Variants in NELL2 observed in about 807,000 individuals in gnomAD.
NELL2 encodes protein kinase C-binding protein NELL2.
NELL2 carries 41 observed loss-of-function variants against 109.6 expected under a neutral mutation model. The observed-to-expected ratio is 0.37, with a 90% CI of 0.29 to 0.49. The LOEUF is 0.49. NELL2 is among the 20% of genes least tolerant of loss of function. The pLI is 0.98. For missense variants in NELL2, 900 were observed against 1,008.3 expected (o/e 0.89, Z 1.45); for synonymous variants, 355 against 344.7 (o/e 1.03, Z -0.33).
At chr12:44,619,176 G>A (rs909947935) in intron 13 of NELL2, among the ~76,000 whole-genome samples, 1 of 152,250 alleles carries the variant, frequency 6.6e-6, no homozygotes, top group African/African-American at 2.4e-5. Context: ...TAAAGACGGG[G>A]AAGAACACTG....
intron 19 of NELL2, among the ~76,000 whole-genome samples, chr12:44,512,529 C>T (rs1170142308): frequency 6.6e-6 from 1 of 151,826 alleles, no homozygotes; most frequent in Non-Finnish European, 1.5e-5. Context: ...ATCTGAACCC[C>T]CATGCAGTAT....
intron 15 of NELL2, among the ~76,000 whole-genome samples, chr12:44,603,449 T>C (rs1190439677): frequency 1.3e-5 from 2 of 152,176 alleles, no homozygotes; most frequent in Admixed American, 1.3e-4. Flanking sequence ...ATCAGACACA[T>C]ATTTGCTGAG....
chr12:44,711,530 C>A, intron 10 of NELL2, 136 bp from the exon 11 acceptor site: 1 of 616,108 alleles, frequency 1.6e-6, no homozygotes. Flanking sequence ...AGGTCATGGG[C>A]TCACTCCCAA....
chr12:44,753,577 C>T (rs570560613), intron 9 of NELL2, among the ~76,000 whole-genome samples: 56 of 152,182 alleles, frequency 3.7e-4, no homozygotes, highest in Admixed American at 3.3e-3. Context: ...AAATAATGGC[C>T]TAGGACTTGG....
chr12:44,721,305 T>C (rs1938758116), intron 9 of NELL2, among the ~76,000 whole-genome samples: 1 of 152,190 alleles, frequency 6.6e-6, no homozygotes, highest in African/African-American at 2.4e-5. Context: ...ATATAATCAA[T>C]TCATTTAGTC....
chr12:44,800,372 G>A (rs1425236458), intron 3 of NELL2, among the ~76,000 whole-genome samples: 1 of 152,090 alleles, frequency 6.6e-6, no homozygotes, highest in Admixed American at 6.6e-5. Context: ...TGTGAATTGA[G>A]ACGAGAGAGA....
intron 13 of NELL2, among the ~76,000 whole-genome samples, chr12:44,612,468 A>G (rs141904417): frequency 6.6e-6 from 1 of 151,874 alleles, no homozygotes; most frequent in Admixed American, 6.6e-5. Flanking sequence ...AAATTGTACA[A>G]AATTCCACCC....
intron 16 of NELL2, among the ~76,000 whole-genome samples, chr12:44,528,374 C>T (rs1363723188): frequency 6.6e-6 from 1 of 151,928 alleles, no homozygotes; most frequent in Admixed American, 6.6e-5. Flanking sequence ...TTTAATTATC[C>T]TTGTTACTTT....
At chr12:44,630,773 TA>T (rs1946425852) in intron 13 of NELL2, among the ~76,000 whole-genome samples, 1 of 152,090 alleles carries the variant, frequency 6.6e-6, no homozygotes, top group African/African-American at 2.4e-5. Context: ...GAGCTAATTT[TA>T]AAAAAGGATA....
chr12:44,834,458 C>G (rs1256561451), intron 2 of NELL2, among the ~76,000 whole-genome samples: 1 of 108,662 alleles, frequency 9.2e-6, no homozygotes, highest in African/African-American at 3.5e-5. Flanking sequence ...TTTTTTGTCT[C>G]TTTAAAAGGT....
chr12:44,721,207 G>C (rs1371192872), intron 9 of NELL2, among the ~76,000 whole-genome samples: 1 of 152,180 alleles, frequency 6.6e-6, no homozygotes, highest in Non-Finnish European at 1.5e-5. Context: ...AAAATATTCT[G>C]AAATTCTTTT....
intron 9 of NELL2, among the ~76,000 whole-genome samples, chr12:44,765,516 A>G (rs1186353599): frequency 6.6e-6 from 1 of 152,176 alleles, no homozygotes; most frequent in Non-Finnish European, 1.5e-5. Flanking sequence ...CTGAGGTGAA[A>G]CGGGTGTGAA....
chr12:44,707,416 G>A, intron 11 of NELL2, among the ~76,000 whole-genome samples: 1 of 152,244 alleles, frequency 6.6e-6, no homozygotes, highest in East Asian at 1.9e-4. Context: ...TATCTCACAG[G>A]AGATAAACTG....
chr12:44,790,875 A>G (rs1437484152), intron 3 of NELL2, among the ~76,000 whole-genome samples: 1 of 151,354 alleles, frequency 6.6e-6, no homozygotes, highest in Non-Finnish European at 1.5e-5. Context: ...TTCTTCTATC[A>G]GAAAAAACAA....
At chr12:44,728,681 T>C (rs1939207038) in intron 9 of NELL2, among the ~76,000 whole-genome samples, 1 of 152,018 alleles carries the variant, frequency 6.6e-6, no homozygotes, top group Non-Finnish European at 1.5e-5. Flanking sequence ...AAAGACACAT[T>C]ATAATCAAAT....
chr12:44,872,423 C>T (rs180829077), intron 2 of NELL2, among the ~76,000 whole-genome samples: 32 of 152,094 alleles, frequency 2.1e-4, no homozygotes, highest in African/African-American at 6.3e-4. Context: ...ACTATAGTTG[C>T]TATTATTATT....
intron 13 of NELL2, among the ~76,000 whole-genome samples, chr12:44,615,045 T>A (rs899298752): frequency 3.9e-5 from 6 of 152,052 alleles, no homozygotes; most frequent in Non-Finnish European, 4.4e-5. Context: ...TTCAAAAAGC[T>A]TACAGTTTAG....
chr12:44,717,945 C>G (rs1015164895), intron 9 of NELL2, among the ~76,000 whole-genome samples: 1 of 152,020 alleles, frequency 6.6e-6, no homozygotes, highest in Non-Finnish European at 1.5e-5. Context: ...GTGTTGGGTG[C>G]CCAGGAACAA....
At chr12:44,808,198 A>G (rs1323961193) in intron 3 of NELL2, among the ~76,000 whole-genome samples, 2 of 151,642 alleles carry the variant, frequency 1.3e-5, no homozygotes, top group East Asian at 1.9e-4. Context: ...ACAGGAAGGG[A>G]AAAAAAATGC....
Sources: gnomAD v4.1 joint callset for allele counts (sites outside exome capture counted in the v4.1 genomes callset) on GRCh38, gnomAD v4.1.1 for gene constraint, MANE v1.5 for transcripts, NCBI Gene and HGNC (gene_info 2026-07-23, HGNC 2026-07-21) for gene names.